The following DGLUCY variants were observed in gnomAD, a reference collection of about 807,000 sequenced individuals.
DGLUCY encodes D-glutamate cyclase, also known as D-glutamate cyclase, mitochondrial.
DGLUCY carries 58 observed loss-of-function variants against 58.5 expected under a neutral mutation model. The ratio of observed to expected loss-of-function variants is 0.99; its 90% CI spans 0.80 to 1.23. DGLUCY has a LOEUF of 1.23. Ranked by LOEUF, DGLUCY falls within the 50% of genes most tolerant of loss-of-function variation. The pLI is 0.00. For missense variants in DGLUCY, 779 were observed against 784.7 expected, an observed-to-expected ratio of 0.99 and a Z score of 0.09; for synonymous variants, 325 against 314.1, an observed-to-expected ratio of 1.03 and a Z score of -0.37.
At chr14:91,208,578 A>G (rs1017659530) in intron 12 of DGLUCY, among the ~76,000 whole-genome samples, 1 of 152,106 alleles carries the variant, frequency 6.6e-6, no homozygotes, top group African/African-American at 2.4e-5. Flanking sequence ...GGGAAACCCC[A>G]TCTCTACAAA....
intron 9 of DGLUCY, among the ~76,000 whole-genome samples, chr14:91,194,561 A>G (rs1384200319): frequency 5.2e-5 from 7 of 135,116 alleles, no homozygotes; most frequent in Non-Finnish European, 1.1e-4. Flanking sequence ...TTTTTTTTTG[A>G]GACAGGGTTT....
chr14:91,157,465 C>G (rs1028457147), intron 1 of DGLUCY, among the ~76,000 whole-genome samples, 174 bp from the exon 2 acceptor site: 2 of 152,146 alleles, frequency 1.3e-5, no homozygotes, highest in Admixed American at 6.6e-5. Flanking sequence ...ATTAACAATG[C>G]CTTTTTTGTG....
At chr14:91,124,677 T>G (rs533598670) in intron 1 of DGLUCY, among the ~76,000 whole-genome samples, 4 of 152,368 alleles carry the variant, frequency 2.6e-5, no homozygotes, top group African/African-American at 7.2e-5. Flanking sequence ...TTGTTTGTTC[T>G]GATGAGATTT....
At chr14:91,083,346 A>C (rs1317772000) in intron 1 of DGLUCY, among the ~76,000 whole-genome samples, 1 of 152,066 alleles carries the variant, frequency 6.6e-6, no homozygotes, top group Non-Finnish European at 1.5e-5. Context: ...ACATGGTGAA[A>C]CACCATTTAT....
intron 13 of DGLUCY, among the ~76,000 whole-genome samples, chr14:91,220,949 G>T (rs1887386309): frequency 6.6e-6 from 1 of 152,196 alleles, no homozygotes; most frequent in East Asian, 1.9e-4. Context: ...TGGGGCTCAT[G>T]GTATAAACAA....
Position 91,225,031 on chromosome 14 carries a change from C to G in DGLUCY, c.*198C>G. The G allele has an allele frequency of 2.0e-6, 1 of 500,284 alleles. No individual in the cohort carries two copies. Among genetic ancestry groups the G allele is most frequent in the Non-Finnish European group, 3.3e-6 (1 of 303,300 alleles). The allele number at this position is 500,284 out of a possible 1,614,324, so 31.0% of individuals were successfully genotyped here. On this transcript the variant is annotated 3_prime_UTR_variant, in exon 14 of 14. Coordinates refer to ENST00000256324, the MANE Select transcript of DGLUCY (RefSeq NM_001102368.3). ...GTGCTGTGGACAAAGGACAACATTT[C>G]TCTGGGGCTTTTTAACTTTTATTCC...
chr14:91,172,803 T>A (rs1382698959), intron 5 of DGLUCY, among the ~76,000 whole-genome samples: 3 of 152,070 alleles, frequency 2.0e-5, no homozygotes, highest in African/African-American at 4.8e-5. Flanking sequence ...CGTGCCACCA[T>A]GCCCGGCGAA....
At position 91,193,114 on chromosome 14, in the gene DGLUCY, G is replaced by A. The variant is rs116359344; in HGVS notation, c.1196-3261G>A. Among the ~76,000 whole-genome samples, 764 of 152,282 alleles carry A rather than the reference G, an allele frequency of 5.0e-3. 6 individuals carry two copies. The highest frequency in any genetic ancestry group is 0.017 in the Middle Eastern group (5 of 294). ...GTCCTGGGTCTCCCTGTGTTAAGAG[G>A]ATGAGGAGAAGGGCAGAACAGCCAG... On this transcript the variant is annotated intron_variant, in intron 9 of 13. Transcript: ENST00000256324.
chr14:91,179,162 A>G (rs773050160), intron 7 of DGLUCY, among the ~76,000 whole-genome samples: 1 of 152,248 alleles, frequency 6.6e-6, no homozygotes, highest in Non-Finnish European at 1.5e-5. Flanking sequence ...GCTCTTCTCC[A>G]GGAGCATACA....
At chr14:91,223,921 A>G in intron 13 of DGLUCY, 1 of 275,590 alleles carries the variant, frequency 3.6e-6, no homozygotes, top group Non-Finnish European at 7.2e-6. Flanking sequence ...GAAAGACTCA[A>G]GTCAGACCTT....
chr14:91,061,442 G>A lies in DGLUCY; in HGVS notation c.-82+738G>A, dbSNP rs138796631. Among the ~76,000 whole-genome samples the A allele has an allele frequency of 2.0e-4, 31 of 152,298 alleles. 1 individual carries two copies. In the Middle Eastern group the frequency reaches 0.014, roughly 67 times the overall value. On this transcript the variant is annotated intron_variant, in intron 1 of 4. Transcript: ENST00000521334. ...TTCCTCCCCTAAGCAGCTTTCAATA[G>A]AACGTGAGAAACAATCTGTGTGTGT...
chr14:91,142,815 CACACACAACACACCATCTCTACTAA>C (rs1277070948), intron 1 of DGLUCY, among the ~76,000 whole-genome samples: 1 of 3,106 alleles, frequency 3.2e-4, no homozygotes, highest in Non-Finnish European at 2.0e-3. Context: ...CACACACACA[CACACACAACACACCATCTCTACTAA>C]ACACACACAC....
intron 1 of DGLUCY, among the ~76,000 whole-genome samples, chr14:91,157,077 G>T (rs1270118305): frequency 1.4e-5 from 2 of 147,898 alleles, no homozygotes; most frequent in East Asian, 3.9e-4. Context: ...ATGGATGGAT[G>T]GATGGATGGA....
At chr14:91,161,313 G>C (rs188170786) in intron 3 of DGLUCY, among the ~76,000 whole-genome samples, 5 of 152,174 alleles carry the variant, frequency 3.3e-5, no homozygotes, top group Admixed American at 6.5e-5. Flanking sequence ...CTCGTGATCC[G>C]CTCACCTTGG....
At chr14:91,149,196 G>A (rs923903679) in intron 1 of DGLUCY, among the ~76,000 whole-genome samples, 13 of 151,186 alleles carry the variant, frequency 8.6e-5, no homozygotes, top group South Asian at 4.2e-4. Context: ...GCTGTGAGCC[G>A]AGATGGTGCC....
At chr14:91,185,209 T>A (rs1414921609) in intron 8 of DGLUCY, among the ~76,000 whole-genome samples, 1 of 149,244 alleles carries the variant, frequency 6.7e-6, no homozygotes, top group Admixed American at 6.7e-5. Context: ...CCTCATGCAA[T>A]CTGCCCACCT....
At chr14:91,148,688 G>C (rs577871251) in intron 1 of DGLUCY, 1 of 152,232 alleles carries the variant, frequency 6.6e-6, no homozygotes, top group Admixed American at 6.6e-5. Context: ...GCTCATGCCT[G>C]TAACCCCAGC....
intron 3 of DGLUCY, among the ~76,000 whole-genome samples, chr14:91,163,101 TACAAA>T (rs1308080543): frequency 6.6e-6 from 1 of 151,656 alleles, no homozygotes; most frequent in African/African-American, 2.4e-5. Flanking sequence ...CTACTAAAGA[TACAAA>T]AGAATTAGCC....
chr14:91,163,268 GA>G (rs112323869), intron 3 of DGLUCY, among the ~76,000 whole-genome samples: 7,103 of 146,604 alleles, frequency 0.048, 477 homozygotes, highest in African/African-American at 0.15. Flanking sequence ...TCAAAAAAAA[GA>G]AAAAAAAAAA....
Sources: allele counts gnomAD v4.1 joint callset (sites outside exome capture counted in the v4.1 genomes callset), GRCh38; gene constraint gnomAD v4.1.1; transcripts MANE v1.5; gene names NCBI Gene and HGNC (gene_info 2026-07-23, HGNC 2026-07-21).